MYO1E: variants seen among roughly 807,000 people sequenced by gnomAD.
MYO1E encodes myosin IE, also known as unconventional myosin-Ie.
In MYO1E, 68 loss-of-function variants were observed where a neutral mutation model predicts 151.1. That is an observed-to-expected ratio of 0.45 (90% CI 0.37 to 0.55). The LOEUF (loss-of-function observed/expected upper bound fraction) is 0.55. Among genes scored for constraint, MYO1E ranks in the 20% least tolerant of loss-of-function variants. The pLI is 0.00. For synonymous variants in MYO1E, 601 were observed against 501.7 expected (o/e 1.20, Z -2.64); for missense variants, 1,363 against 1,389.3 (o/e 0.98, Z 0.30).
chr15:59,158,395 C>T lies in MYO1E; in HGVS notation c.2786-16G>A, dbSNP rs1422611348. On this transcript the variant is annotated splice_polypyrimidine_tract_variant and intron_variant, in intron 24 of 27. Coordinates refer to ENST00000288235, the MANE Select transcript of MYO1E (RefSeq NM_004998.4). The stretch of plus-strand genomic sequence containing the variant: ...CTGGTAGGACCTGAAATAAACAAGA[C>T]AAAGTTAAAACCAGTGCTACTGGTT... 1 of 1,542,774 alleles carries T rather than the reference C, an allele frequency of 6.5e-7. No individual in the cohort carries two copies. Among genetic ancestry groups the T allele is most frequent in the South Asian group, 1.2e-5 (1 of 84,026 alleles).
At chr15:59,259,596 G>C (rs2080213848) in intron 3 of MYO1E, among the ~76,000 whole-genome samples, 1 of 152,156 alleles carries the variant, frequency 6.6e-6, no homozygotes, top group Admixed American at 6.5e-5. Flanking sequence ...AGAAAGTAGA[G>C]GACTGTAAGA....
chr15:59,323,743 A>AG, intron 1 of MYO1E, among the ~76,000 whole-genome samples: 1 of 152,104 alleles, frequency 6.6e-6, no homozygotes, highest in Non-Finnish European at 1.5e-5. Flanking sequence ...TGTGTGCTAC[A>AG]GGGCCCCAGC....
intron 7 of MYO1E, among the ~76,000 whole-genome samples, chr15:59,225,845 A>G (rs1379329089): frequency 6.6e-6 from 1 of 151,926 alleles, no homozygotes; most frequent in Admixed American, 6.6e-5. Context: ...ACAGGGTTTC[A>G]CTGTGTTAGC....
Position 59,161,227 on chromosome 15 carries a change from A to G in MYO1E, c.2631T>C (p.Leu877=). 10 of 1,613,778 alleles carry G rather than the reference A, an allele frequency of 6.2e-6. No individual in the cohort carries two copies. Among genetic ancestry groups the G allele is most frequent in the Non-Finnish European group, 8.5e-6 (10 of 1,179,788 alleles). Residue 877 remains leucine, a synonymous_variant, in exon 24 of 28, where the codon CTT becomes CTC. Coordinates refer to ENST00000288235, the MANE Select transcript of MYO1E (RefSeq NM_004998.4). The part of the protein sequence containing the change: ...KQLPLKFSNT[L]ELKLKKENWG... ...AGTTTTCCTTTTTCAACTTCAGTTC[A>G]AGCCTGCAAAAAGCACAGTGGGGTT...
chr15:59,214,634 C>G lies in MYO1E; in HGVS notation c.1188+6G>C. On this transcript the variant is annotated splice_donor_region_variant and intron_variant, in intron 11 of 27. Coordinates refer to ENST00000288235, the MANE Select transcript of MYO1E (RefSeq NM_004998.4). ...CTCAACCCCTAGTTATTAAAACTGG[C>G]CTTACCTGGAATATTTCAAAGCCAT... 2 of 1,603,832 alleles carry G rather than the reference C, an allele frequency of 1.2e-6. No individual in the cohort carries two copies. The highest frequency in any genetic ancestry group is 1.7e-6 in the Non-Finnish European group (2 of 1,170,656).
At chr15:59,296,291 A>T (rs2080447824) in intron 1 of MYO1E, among the ~76,000 whole-genome samples, 1 of 152,210 alleles carries the variant, frequency 6.6e-6, no homozygotes, top group Admixed American at 6.5e-5. Context: ...GGGCATCATA[A>T]GGATATTCAG....
intron 8 of MYO1E, 76 bp downstream of exon 8, chr15:59,224,613 C>T: frequency 6.3e-7 from 1 of 1,584,048 alleles, no homozygotes; most frequent in Non-Finnish European, 8.7e-7. Context: ...GCTTTATTAA[C>T]CTTCACTGCC....
chr15:59,256,307 T>C lies in MYO1E; in HGVS notation c.309A>G (p.Arg103=). The change falls in exon 4 of 28, where the codon AGA becomes AGG. Residue 103 remains arginine, a synonymous_variant. Transcript: ENST00000288235. ...DNMYRNMIID[R]ENQCVIISGE... ...ACCTGATAATGACGCACTGGTTCTC[T>C]CTGTCAATGATCATGTTTCTGTACA... is the stretch of plus-strand genomic sequence containing the variant. 1 of 1,609,338 alleles carries C rather than the reference T, an allele frequency of 6.2e-7. No individual in the cohort carries two copies. Among genetic ancestry groups the C allele is most frequent in the Non-Finnish European group, 8.5e-7 (1 of 1,175,798 alleles).
At chr15:59,214,532 G>T in intron 11 of MYO1E, 108 bp downstream of exon 11, 3 of 1,141,674 alleles carry the variant, frequency 2.6e-6, no homozygotes, top group Admixed American at 1.7e-5. Context: ...TTTTGTTGTT[G>T]TGGTTTGTTT....
intron 10 of MYO1E, among the ~76,000 whole-genome samples, chr15:59,216,716 A>ACG (rs1265196001): frequency 1.5e-5 from 2 of 132,882 alleles, no homozygotes; most frequent in Non-Finnish European, 3.2e-5. Flanking sequence ...ACACACACAC[A>ACG]CACACACATA....
chr15:59,336,196 C>T (rs148120799), intron 1 of MYO1E, among the ~76,000 whole-genome samples: 9 of 152,080 alleles, frequency 5.9e-5, no homozygotes, highest in African/African-American at 1.7e-4. Context: ...CATGCCAAAA[C>T]GCCATGTCTA....
At chr15:59,335,658 T>C (rs138103435) in intron 1 of MYO1E, among the ~76,000 whole-genome samples, 147 of 152,310 alleles carry the variant, frequency 9.7e-4, no homozygotes, top group African/African-American at 3.3e-3. Context: ...GAGGCCACGA[T>C]GGACTTACAT....
At chr15:59,271,687 T>C (rs1279846126) in intron 2 of MYO1E, among the ~76,000 whole-genome samples, 1 of 152,246 alleles carries the variant, frequency 6.6e-6, no homozygotes, top group Admixed American at 6.5e-5. Context: ...GCATTTTCAA[T>C]AGTCCATCTT....
At chr15:59,312,664 C>T (rs1379671598) in intron 1 of MYO1E, among the ~76,000 whole-genome samples, 3 of 152,030 alleles carry the variant, frequency 2.0e-5, no homozygotes, top group African/African-American at 2.4e-5. Flanking sequence ...CTTGATCATG[C>T]TAGTTCACAA....
chr15:59,369,176 A>C (rs959351497), intron 1 of MYO1E, among the ~76,000 whole-genome samples: 4 of 152,226 alleles, frequency 2.6e-5, no homozygotes, highest in African/African-American at 9.6e-5. Flanking sequence ...CATCACCTAA[A>C]GGAACTTACC....
intron 1 of MYO1E, among the ~76,000 whole-genome samples, chr15:59,298,178 G>A (rs1374151005): frequency 3.3e-5 from 5 of 152,164 alleles, no homozygotes; most frequent in African/African-American, 9.7e-5. Flanking sequence ...TAAATATCCT[G>A]TTCCTCATCA....
chr15:59,248,922 G>A (rs1018053504), intron 4 of MYO1E, among the ~76,000 whole-genome samples: 3 of 152,124 alleles, frequency 2.0e-5, no homozygotes, highest in South Asian at 2.1e-4. Context: ...GCACATAATC[G>A]GCTGTCCACA....
intron 19 of MYO1E, among the ~76,000 whole-genome samples, chr15:59,177,262 G>T (rs1401824225): frequency 7.5e-6 from 1 of 133,744 alleles, no homozygotes; most frequent in Non-Finnish European, 1.6e-5. Flanking sequence ...GTCATAAATG[G>T]GTTCCATCTC....
intron 16 of MYO1E, among the ~76,000 whole-genome samples, chr15:59,198,517 T>A (rs2079781683): frequency 6.6e-6 from 1 of 151,894 alleles, no homozygotes; most frequent in Non-Finnish European, 1.5e-5. Flanking sequence ...AAATACATAT[T>A]AAAAAACAAA....
Sources: allele counts gnomAD v4.1 joint callset (sites outside exome capture counted in the v4.1 genomes callset), GRCh38; gene constraint gnomAD v4.1.1; transcripts MANE v1.5; gene names NCBI Gene and HGNC (gene_info 2026-07-23, HGNC 2026-07-21).